The following HS6ST3 variants were observed in gnomAD, a reference collection of about 807,000 sequenced individuals.
HS6ST3 encodes heparan-sulfate 6-O-sulfotransferase 3.
HS6ST3 carries 12 observed loss-of-function variants against 36.7 expected under a neutral mutation model. The ratio of observed to expected loss-of-function variants is 0.33; its 90% confidence interval spans 0.21 to 0.53. The LOEUF (loss-of-function observed/expected upper bound fraction) is 0.53, where lower values mean the gene tolerates loss of function less well. Among genes scored for constraint, HS6ST3 ranks in the 20% least tolerant of loss-of-function variants. The pLI is 0.95. For synonymous variants in HS6ST3, 240 were observed against 257.5 expected, an observed-to-expected ratio of 0.93 and a Z score of 0.65; for missense variants, 584 against 640.9, an observed-to-expected ratio of 0.91 and a Z score of 0.96.
intron 1 of HS6ST3, among the ~76,000 whole-genome samples, chr13:96,174,406 A>T (rs2054203160): frequency 6.6e-6 from 1 of 152,026 alleles, no homozygotes; most frequent in South Asian, 2.1e-4. Context: ...GTATTTAATT[A>T]ATTTATTTAT....
Position 96,260,534 on chromosome 13 carries a change from C to T in HS6ST3, c.707+168965C>T, listed in dbSNP as rs570553203. On this transcript the variant is annotated intron_variant, in intron 1 of 1. Transcript: ENST00000376705. Reference sequence around the variant, plus strand: ...TTCACCATGTTAGCCAGGATAGTCTCGATTTCCTGACCTCGTGATCCACCC... The same window carrying T: ...TTCACCATGTTAGCCAGGATAGTCTTGATTTCCTGACCTCGTGATCCACCC... 7.2e-5 allele frequency among the ~76,000 whole-genome samples: 11 copies of T among 152,090 alleles called. No individual in the cohort carries two copies. In the East Asian group the frequency reaches 7.8e-4, roughly 11 times the overall value.
At chr13:96,142,033 CAAAAAAAAAA>C (rs3084964) in intron 1 of HS6ST3, among the ~76,000 whole-genome samples, 1 of 101,142 alleles carries the variant, frequency 9.9e-6, no homozygotes, top group African/African-American at 3.9e-5. Context: ...GTGGTCATGG[CAAAAAAAAAA>C]AAAAAAAAAA....
At chr13:96,208,973 T>C (rs2054385484) in intron 1 of HS6ST3, among the ~76,000 whole-genome samples, 1 of 152,206 alleles carries the variant, frequency 6.6e-6, no homozygotes, top group Non-Finnish European at 1.5e-5. Context: ...TTAACATTAC[T>C]GCTTCACTGA....
At chr13:96,776,041 C>A (rs950174205) in intron 1 of HS6ST3, among the ~76,000 whole-genome samples, 3 of 152,126 alleles carry the variant, frequency 2.0e-5, no homozygotes, top group Non-Finnish European at 4.4e-5. Context: ...GAAATTTACT[C>A]AAAACTGCAC....
intron 1 of HS6ST3, among the ~76,000 whole-genome samples, chr13:96,338,845 G>A (rs1267290848): frequency 2.0e-5 from 3 of 152,136 alleles, no homozygotes; most frequent in African/African-American, 7.2e-5. Context: ...CCATCCATCA[G>A]ATTTCTGGAG....
intron 1 of HS6ST3, among the ~76,000 whole-genome samples, chr13:96,208,075 T>C (rs564736870): frequency 1.3e-5 from 2 of 152,330 alleles, no homozygotes; most frequent in East Asian, 1.9e-4. Context: ...ACAGTTTCCT[T>C]TGTTGCTTTA....
chr13:96,382,093 G>C (rs1326886272), intron 1 of HS6ST3, among the ~76,000 whole-genome samples: 1 of 152,126 alleles, frequency 6.6e-6, no homozygotes, highest in Non-Finnish European at 1.5e-5. Context: ...ACAGGAGCCT[G>C]CTACTCAGGG....
chr13:96,235,378 A>G (rs1228120361), intron 1 of HS6ST3, among the ~76,000 whole-genome samples: 2 of 152,154 alleles, frequency 1.3e-5, no homozygotes, highest in East Asian at 1.9e-4. Flanking sequence ...TGATGTTTGA[A>G]GGTGGGCTTC....
At chr13:96,790,201 AATTTT>A (rs1200317968) in intron 1 of HS6ST3, among the ~76,000 whole-genome samples, 4 of 150,732 alleles carry the variant, frequency 2.7e-5, no homozygotes, top group African/African-American at 7.3e-5. Context: ...CCATCAAGTG[AATTTT>A]ATTTTCTTAG....
intron 1 of HS6ST3, among the ~76,000 whole-genome samples, chr13:96,464,529 G>A (rs1238008731): frequency 6.6e-6 from 1 of 151,948 alleles, no homozygotes; most frequent in Non-Finnish European, 1.5e-5. Context: ...CTACAAAAAT[G>A]TTCATAGCAT....
At chr13:96,688,802 CAGTGTGGTTAGAGT>C in intron 1 of HS6ST3, among the ~76,000 whole-genome samples, 1 of 152,178 alleles carries the variant, frequency 6.6e-6, no homozygotes, top group East Asian at 1.9e-4. Context: ...TTCATCCACC[CAGTGTGGTTAGAGT>C]ACACCGTGCT....
intron 1 of HS6ST3, among the ~76,000 whole-genome samples, chr13:96,463,395 A>G (rs1481909507): frequency 6.6e-6 from 1 of 152,180 alleles, no homozygotes; most frequent in Non-Finnish European, 1.5e-5. Context: ...CAAATAATTA[A>G]TCATATGATA....
Position 96,836,296 on chromosome 13 carries a change from G to A in HS6ST3, c.*3098G>A, listed in dbSNP as rs2138553938. 6.6e-6 allele frequency: 1 copy of A among 152,334 alleles called. No homozygotes were observed. Among genetic ancestry groups the A allele is most frequent in the East Asian group, 1.9e-4 (1 of 5,184 alleles). 9.4% of individuals were successfully genotyped at this position (152,334 alleles called of 1,614,324 possible). On this transcript the variant is annotated 3_prime_UTR_variant, in exon 2 of 2. Coordinates refer to ENST00000376705, the MANE Select transcript of HS6ST3 (RefSeq NM_153456.4). The stretch of plus-strand genomic sequence containing the variant: ...TGGAAGCTCCAGTACCCAGATTGGA[G>A]ATTAGGATGAGACAACTTTGTGTAT...
chr13:96,101,184 A>G (rs1230873214), intron 1 of HS6ST3, among the ~76,000 whole-genome samples: 1 of 152,186 alleles, frequency 6.6e-6, no homozygotes, highest in African/African-American at 2.4e-5. Flanking sequence ...ATAAATTTGA[A>G]GTTATGTAAC....
intron 1 of HS6ST3, among the ~76,000 whole-genome samples, chr13:96,497,951 A>G (rs1182082986): frequency 6.6e-6 from 1 of 152,200 alleles, no homozygotes; most frequent in Non-Finnish European, 1.5e-5. Flanking sequence ...ACCAACATAC[A>G]TGGGAGAGAA....
chr13:96,559,119 T>TATCTATC (rs2056252452), intron 1 of HS6ST3, among the ~76,000 whole-genome samples: 1 of 150,382 alleles, frequency 6.6e-6, no homozygotes, highest in Non-Finnish European at 1.5e-5. Context: ...TCTATCTATC[T>TATCTATC]ATCTATTTAT....
At chr13:96,494,678 C>T (rs932235379) in intron 1 of HS6ST3, among the ~76,000 whole-genome samples, 2 of 150,564 alleles carry the variant, frequency 1.3e-5, no homozygotes, top group Non-Finnish European at 3.0e-5. Flanking sequence ...CACACACATA[C>T]ACACACACAC....
At chr13:96,525,434 C>G (rs2056109848) in intron 1 of HS6ST3, among the ~76,000 whole-genome samples, 1 of 152,116 alleles carries the variant, frequency 6.6e-6, no homozygotes, top group South Asian at 2.1e-4. Flanking sequence ...TCAGGTTGCT[C>G]TGGTGCTTCT....
At chr13:96,464,163 C>CAAAAAAAAAAAAAAAAAAA (rs1322172089) in intron 1 of HS6ST3, among the ~76,000 whole-genome samples, 312 of 64,654 alleles carry the variant, frequency 4.8e-3, no homozygotes, top group South Asian at 8.8e-3. Context: ...AAAAAAAAAT[C>CAAAAAAAAAAAAAAAAAAA]AAAGATCTGA....
Sources: allele counts gnomAD v4.1 joint callset (sites outside exome capture counted in the v4.1 genomes callset), GRCh38; gene constraint gnomAD v4.1.1; transcripts MANE v1.5; gene names NCBI Gene and HGNC (gene_info 2026-07-23, HGNC 2026-07-21).